PGD: variants seen among roughly 807,000 people sequenced by gnomAD.
The protein encoded by PGD is phosphogluconate dehydrogenase.
In PGD, 21 loss-of-function variants were observed where a neutral mutation model predicts 60.4. The observed-to-expected ratio is 0.35, with a 90% CI of 0.25 to 0.50. The LOEUF (loss-of-function observed/expected upper bound fraction) is 0.50, where lower values mean the gene tolerates loss of function less well. Among genes scored for constraint, PGD ranks in the 20% least tolerant of loss-of-function variants. The pLI, the probability that PGD is intolerant of heterozygous loss-of-function variation, is 0.98. For synonymous variants in PGD, 230 were observed against 235.9 expected (o/e 0.97, Z 0.23); for missense variants, 477 against 613.1 (o/e 0.78, Z 2.34).
intron 8 of PGD, among the ~76,000 whole-genome samples, chr1:10,413,872 T>C (rs1639547413): frequency 6.6e-6 from 1 of 151,270 alleles, no homozygotes; most frequent in Non-Finnish European, 1.5e-5. Context: ...ACCACTGCAC[T>C]CCAGCCTGGG....
At chr1:10,405,937 C>A (rs1387402125) in intron 5 of PGD, among the ~76,000 whole-genome samples, 1 of 152,050 alleles carries the variant, frequency 6.6e-6, no homozygotes, top group South Asian at 2.1e-4. Flanking sequence ...CACTGCAAGC[C>A]CCACCTGCCA....
chr1:10,418,790 A>C (rs763750847), intron 10 of PGD, 36 bp from the exon 11 acceptor site: 2 of 1,198,910 alleles, frequency 1.7e-6, no homozygotes, highest in South Asian at 2.6e-5. Context: ...AAAAAAAAAA[A>C]GACTCATTGC....
At chr1:10,410,885 TGGAG>T (rs1639488117) in intron 6 of PGD, among the ~76,000 whole-genome samples, 2 of 151,806 alleles carry the variant, frequency 1.3e-5, no homozygotes, top group Admixed American at 6.6e-5. Flanking sequence ...GATGGGGCCT[TGGAG>T]GGACTCCTTT....
chr1:10,418,822 T>G lies in PGD; in HGVS notation c.1110-4T>G. The G allele has an allele frequency of 6.5e-7, 1 of 1,530,948 alleles. No homozygotes were observed. The highest frequency in any genetic ancestry group is 9.0e-7 in the Non-Finnish European group (1 of 1,110,548). 94.8% of individuals were successfully genotyped at this position (1,530,948 alleles called of 1,614,324 possible). On this transcript the variant is annotated splice_region_variant and splice_polypyrimidine_tract_variant and intron_variant, in intron 10 of 12. Coordinates refer to ENST00000270776, the MANE Select transcript of PGD (RefSeq NM_002631.4). ...TTGCTTTTTTCCCCCCTTGATTATTTCAGTGTATTCCTAGGAAAGATAAAG... is the reference window on the plus strand; with the variant it reads ...TTGCTTTTTTCCCCCCTTGATTATTGCAGTGTATTCCTAGGAAAGATAAAG...
chr1:10,411,900 T>C (rs1236771898), intron 7 of PGD, among the ~76,000 whole-genome samples: 2 of 152,230 alleles, frequency 1.3e-5, no homozygotes, highest in African/African-American at 4.8e-5. Flanking sequence ...GATTGGCTTT[T>C]TGATAGTTAA....
At chr1:10,404,834 G>A (rs1017896401) in intron 5 of PGD, among the ~76,000 whole-genome samples, 4 of 152,172 alleles carry the variant, frequency 2.6e-5, no homozygotes, top group Non-Finnish European at 5.9e-5. Context: ...TTTAGGTAAT[G>A]TTCTGTGCAA....
At chr1:10,406,945 A>G (rs1327814617) in intron 5 of PGD, among the ~76,000 whole-genome samples, 3 of 152,226 alleles carry the variant, frequency 2.0e-5, no homozygotes, top group African/African-American at 7.2e-5. Context: ...AAGGGAAAAA[A>G]TTAAAAGAGG....
intron 6 of PGD, 74 bp downstream of exon 6, chr1:10,408,214 G>A: frequency 1.2e-6 from 1 of 854,766 alleles, no homozygotes; most frequent in Non-Finnish European, 2.0e-6. Flanking sequence ...GTGGAGAAAG[G>A]CCACCGTGGT....
rs749876036 is a variant in PGD, at chr1:10,413,137, G to T, written c.730G>T (p.Asp244Tyr). 1 of 1,614,172 alleles carries T rather than the reference G, an allele frequency of 6.2e-7. No homozygotes were observed. Among genetic ancestry groups the T allele is most frequent in the Non-Finnish European group, 8.5e-7 (1 of 1,180,022 alleles). The change falls in exon 8 of 13, where the codon GAC becomes TAC. Residue 244 changes from aspartate (D) to tyrosine (Y), a missense_variant. Around this residue, in one of 3 missense-constraint regions of PGD, gnomAD observed 431 missense variants for 556.6 expected, o/e 0.77. Transcript: ENST00000270776. ...EITANILKFQ[D>Y]TDGKHLLPKI... ...CACAGCCAATATTCTCAAGTTCCAAGACACCGATGGCAAACACCTGCTGCC... is the reference window on the plus strand; with the variant it reads ...CACAGCCAATATTCTCAAGTTCCAATACACCGATGGCAAACACCTGCTGCC...
At chr1:10,402,562 C>G (rs1477842519) in intron 3 of PGD, among the ~76,000 whole-genome samples, 6 of 151,054 alleles carry the variant, frequency 4.0e-5, no homozygotes, top group Middle Eastern at 3.4e-3. Context: ...TCACTCTGTC[C>G]CCCAGGCTGG....
intron 8 of PGD, among the ~76,000 whole-genome samples, chr1:10,414,506 C>G (rs1170366235): frequency 6.6e-6 from 1 of 151,876 alleles, no homozygotes; most frequent in Non-Finnish European, 1.5e-5. Flanking sequence ...TCCCGAGTAG[C>G]TGGGATTACA....
intron 11 of PGD, 46 bp downstream of exon 11, chr1:10,418,971 G>A (rs761339589): frequency 5.7e-6 from 6 of 1,055,502 alleles, no homozygotes; most frequent in South Asian, 5.3e-5. Flanking sequence ...CCTCCCTGGG[G>A]CCATCAGTTG....
Position 10,419,616 on chromosome 1 carries a change from C to G in PGD, c.1333-14C>G. On this transcript the variant is annotated splice_polypyrimidine_tract_variant and intron_variant, in intron 12 of 12. Transcript: ENST00000270776. Reference sequence around the variant, plus strand: ...CATGGACTGTCCTGACCAACCTACTCTCTCGTTTCCTAGGCTCAGCGGGAT... The same window carrying G: ...CATGGACTGTCCTGACCAACCTACTGTCTCGTTTCCTAGGCTCAGCGGGAT... 1 of 1,614,146 alleles carries G rather than the reference C, an allele frequency of 6.2e-7. No homozygotes were observed. Among genetic ancestry groups the G allele is most frequent in the East Asian group, 2.2e-5 (1 of 44,878 alleles).
intron 6 of PGD, 115 bp from the exon 7 acceptor site, chr1:10,411,303 A>AT: frequency 8.8e-7 from 1 of 1,139,022 alleles, no homozygotes; most frequent in South Asian, 1.4e-5. Context: ...TATACTTGTT[A>AT]TTTTTTGTGT....
At chr1:10,418,669 C>T (rs920131462) in intron 10 of PGD, 157 bp from the exon 11 acceptor site, 14 of 530,272 alleles carry the variant, frequency 2.6e-5, no homozygotes, top group South Asian at 2.1e-4. Context: ...CAGCTACTGG[C>T]GAGGCTGAGG....
chr1:10,402,529 T>A (rs536932594), intron 3 of PGD, among the ~76,000 whole-genome samples: 84 of 145,578 alleles, frequency 5.8e-4, no homozygotes, highest in Middle Eastern at 3.6e-3. Flanking sequence ...TCAAAAAAAA[T>A]TTTTTTTTTT....
chr1:10,412,999 A>G (rs1157016595), intron 7 of PGD, 63 bp from the exon 8 acceptor site: 1 of 1,420,894 alleles, frequency 7.0e-7, no homozygotes, highest in African/African-American at 1.4e-5. Flanking sequence ...GACATTGGAC[A>G]AGGGGCTTCC....
Position 10,411,528 on chromosome 1 carries a change from C to T in PGD, c.630C>T (p.Gly210=). 6.2e-7 allele frequency: 1 copy of T among 1,614,082 alleles called. No individual in the cohort carries two copies. The highest frequency in any genetic ancestry group is 1.1e-5 in the South Asian group (1 of 91,084). Residue 210 remains glycine, a synonymous_variant, in exon 7 of 13, where the codon GGC becomes GGT. Coordinates refer to ENST00000270776, the MANE Select transcript of PGD (RefSeq NM_002631.4). ...EAYHLMKDVL[G]MAQDEMAQAF... ...ACCACCTGATGAAAGACGTGCTGGG[C>T]ATGGCGCAGGACGAGATGGCCCAGG...
intron 5 of PGD, among the ~76,000 whole-genome samples, chr1:10,406,522 T>C (rs1373418265): frequency 6.6e-6 from 1 of 152,242 alleles, no homozygotes; most frequent in Non-Finnish European, 1.5e-5. Context: ...CAGTTCTCTT[T>C]CCTCATACTG....
Sources: gnomAD v4.1 joint callset for allele counts (sites outside exome capture counted in the v4.1 genomes callset) on GRCh38, gnomAD v4.1.1 for gene constraint, gnomAD v4.1.1 regional missense constraint, MANE v1.5 for transcripts, NCBI Gene and HGNC (gene_info 2026-07-23, HGNC 2026-07-21) for gene names.